KRCC1: variants seen among roughly 807,000 people sequenced by gnomAD.
KRCC1 encodes the protein lysine rich coiled-coil 1.
KRCC1 carries 3 observed loss-of-function variants against 7.4 expected under a neutral mutation model. The ratio of observed to expected loss-of-function variants is 0.40; its 90% CI spans 0.18 to 1.04. The LOEUF is 1.04. KRCC1 is among the 50% of genes least tolerant of loss of function. The pLI, the probability that KRCC1 is intolerant of heterozygous loss-of-function variation, is 0.33. For synonymous variants in KRCC1, 102 were observed against 101.6 expected, an observed-to-expected ratio of 1.00 and a Z score of -0.02; for missense variants, 277 against 300.9, an observed-to-expected ratio of 0.92 and a Z score of 0.59.
chr2:88,033,235 C>T (rs1247426503), intron 3 of KRCC1, among the ~76,000 whole-genome samples: 4 of 151,412 alleles, frequency 2.6e-5, no homozygotes, highest in African/African-American at 9.7e-5. Flanking sequence ...TTTACAAAGT[C>T]ACTAATGGCT....
At chr2:88,055,009 C>G (rs1673583884) in intron 1 of KRCC1, among the ~76,000 whole-genome samples, 1 of 152,090 alleles carries the variant, frequency 6.6e-6, no homozygotes, top group African/African-American at 2.4e-5. Context: ...AACCCCAGAT[C>G]ACTATCAAGA....
intron 1 of KRCC1, among the ~76,000 whole-genome samples, chr2:88,043,752 C>T (rs2104618825): frequency 6.6e-6 from 1 of 152,326 alleles, no homozygotes; most frequent in East Asian, 1.9e-4. Flanking sequence ...GCACTGCAAT[C>T]TCTGCCTCCC....
intron 1 of KRCC1, among the ~76,000 whole-genome samples, chr2:88,038,944 A>T (rs1235729827): frequency 1.3e-5 from 2 of 152,206 alleles, no homozygotes; most frequent in Non-Finnish European, 2.9e-5. Context: ...TAACCATATT[A>T]CATGGTCTGA....
chr2:88,045,258 T>C (rs1242216122), intron 1 of KRCC1, among the ~76,000 whole-genome samples: 1 of 152,152 alleles, frequency 6.6e-6, no homozygotes, highest in Non-Finnish European at 1.5e-5. Flanking sequence ...TGAAAACATA[T>C]CCATGCAGAT....
chr2:88,029,135 G>C (rs190430734), intron 3 of KRCC1, among the ~76,000 whole-genome samples: 1 of 152,282 alleles, frequency 6.6e-6, no homozygotes, highest in Non-Finnish European at 1.5e-5. Flanking sequence ...AGGGCAGAAA[G>C]GAACCGATAC....
Position 88,053,276 on chromosome 2 carries a change from C to T in KRCC1, c.-291+2350G>A, listed in dbSNP as rs188973208. The stretch of plus-strand genomic sequence containing the variant: ...CCTATAACTAGTCAGACTCCTATTC[C>T]AGTATTCTCATTTTACCACCCTGAA... On this transcript the variant is annotated intron_variant, in intron 1 of 3. Transcript: ENST00000347055. 1.6e-3 allele frequency among the ~76,000 whole-genome samples: 242 copies of T among 152,198 alleles called. 2 individuals carry two copies. The highest frequency in any genetic ancestry group is 5.6e-3 in the African/African-American group (231 of 41,520).
chr2:88,042,058 C>CTT (rs5832712), intron 1 of KRCC1, among the ~76,000 whole-genome samples: 2 of 111,302 alleles, frequency 1.8e-5, no homozygotes, highest in African/African-American at 3.3e-5. Context: ...AGACCATTAT[C>CTT]TTTTTTTTTT....
intron 3 of KRCC1, 89 bp downstream of exon 3, chr2:88,034,045 G>A (rs1427737182): frequency 6.6e-6 from 1 of 152,600 alleles, no homozygotes; most frequent in African/African-American, 2.4e-5. Flanking sequence ...AATGAAGCTT[G>A]AAGACATTAT....
At chr2:88,042,948 A>G (rs1380838064) in intron 1 of KRCC1, among the ~76,000 whole-genome samples, 1 of 152,222 alleles carries the variant, frequency 6.6e-6, no homozygotes, top group African/African-American at 2.4e-5. Context: ...AAAGATATTA[A>G]TAACTTGATA....
chr2:88,038,688 T>TAG (rs1251187153), intron 1 of KRCC1, among the ~76,000 whole-genome samples: 1 of 152,194 alleles, frequency 6.6e-6, no homozygotes, highest in African/African-American at 2.4e-5. Flanking sequence ...TTAGGAAACT[T>TAG]ACAGTCATGG....
chr2:88,054,576 T>A (rs1673570569), intron 1 of KRCC1, among the ~76,000 whole-genome samples: 1 of 152,164 alleles, frequency 6.6e-6, no homozygotes, highest in Non-Finnish European at 1.5e-5. Flanking sequence ...GAGACACAGC[T>A]GGCCTACTTG....
intron 1 of KRCC1, among the ~76,000 whole-genome samples, chr2:88,038,799 G>A (rs1311134716): frequency 6.6e-6 from 1 of 152,092 alleles, no homozygotes; most frequent in African/African-American, 2.4e-5. Flanking sequence ...ATCAGATTTC[G>A]GGAGAACTCA....
intron 3 of KRCC1, among the ~76,000 whole-genome samples, chr2:88,032,058 C>A (rs1226678896): frequency 2.0e-5 from 3 of 151,998 alleles, no homozygotes; most frequent in Non-Finnish European, 4.4e-5. Flanking sequence ...AGGAGAATTG[C>A]TTGAACCTGG....
intron 1 of KRCC1, among the ~76,000 whole-genome samples, chr2:88,042,395 T>C (rs977985763): frequency 1.3e-5 from 2 of 151,914 alleles, no homozygotes; most frequent in African/African-American, 4.8e-5. Flanking sequence ...TCTCTTTGTT[T>C]CTTTTCTTTG....
In KRCC1 at chr2:88,028,534, A is replaced by G. The variant is rs781528740; in HGVS notation, c.30T>C (p.Ser10=). The G allele has an allele frequency of 2.5e-6, 4 of 1,613,016 alleles. No individual in the cohort carries two copies. Among genetic ancestry groups the G allele is most frequent in the Admixed American group, 3.3e-5 (2 of 59,840 alleles). The stretch of plus-strand genomic sequence containing the variant: ...TATAATCTTCAAGTTCATCTTGAAA[A>G]GAGTCATATGTCTTCTTTGAATGCT... MKHSKKTYD[S]FQDELEDYIK... The change falls in exon 4 of 4, where the codon TCT becomes TCC. Residue 10 remains serine (S), a synonymous_variant. Transcript: ENST00000347055.
At chr2:88,039,766 C>G (rs1673166863) in intron 1 of KRCC1, among the ~76,000 whole-genome samples, 1 of 151,914 alleles carries the variant, frequency 6.6e-6, no homozygotes. Flanking sequence ...ACATTTGACT[C>G]TAAGGTCAGC....
rs781144978 is a variant in KRCC1, at chr2:88,028,242, T to C, written c.322A>G (p.Arg108Gly). 1.4e-5 allele frequency: 23 copies of C among 1,614,082 alleles called. No homozygotes were observed. The Admixed American group carries it at 2.5e-4, about 18-fold the overall frequency. ...ACTGGTTTTTCTGAGAAACAGTCCC[T>C]CGTGAACTGACAGTAGCTCAGAGAG... The part of the protein sequence containing the change: ...LDSLSYCQFT[R>G]DCFSEKPVPL... The change falls in exon 4 of 4, where the codon AGG (arginine) becomes GGG (glycine). Residue 108 changes from arginine to glycine, a missense_variant. Physicochemically the swap from Arg to Gly is moderately radical, Grantham distance 125 (BLOSUM62 -2). Transcript: ENST00000347055.
At chr2:88,039,645 G>A (rs890908011) in intron 1 of KRCC1, among the ~76,000 whole-genome samples, 2 of 152,044 alleles carry the variant, frequency 1.3e-5, no homozygotes, top group Non-Finnish European at 2.9e-5. Context: ...CCAAGATTGC[G>A]CCACTGCGTT....
chr2:88,040,884 A>AC (rs1230260401), intron 1 of KRCC1, among the ~76,000 whole-genome samples: 1 of 152,240 alleles, frequency 6.6e-6, no homozygotes, highest in Non-Finnish European at 1.5e-5. Flanking sequence ...GGTAAAATTT[A>AC]GAGAAAAAAA....
Sources: allele counts gnomAD v4.1 joint callset (sites outside exome capture counted in the v4.1 genomes callset), GRCh38; gene constraint gnomAD v4.1.1; transcripts MANE v1.5; gene names NCBI Gene and HGNC (gene_info 2026-07-23, HGNC 2026-07-21).